Variants in LRRC8C observed in about 807,000 individuals in gnomAD.
LRRC8C encodes the protein volume-regulated anion channel subunit LRRC8C.
A neutral mutation model predicts 55.3 loss-of-function variants in LRRC8C; 20 were observed. The observed-to-expected ratio is 0.36, with a 90% CI of 0.25 to 0.53. The LOEUF is 0.53. Among genes scored for constraint, LRRC8C ranks in the 20% least tolerant of loss-of-function variants. The probability of loss-of-function intolerance (pLI) is 0.92; values close to 1 mark genes in which losing one functional copy is unlikely to be tolerated. For missense variants in LRRC8C, 659 were observed against 951.4 expected, an observed-to-expected ratio of 0.69 and a Z score of 4.04; for synonymous variants, 376 against 360.7, an observed-to-expected ratio of 1.04 and a Z score of -0.48.
intron 1 of LRRC8C, among the ~76,000 whole-genome samples, chr1:89,667,667 G>A (rs1400574472): frequency 6.6e-6 from 1 of 152,124 alleles, no homozygotes; most frequent in African/African-American, 2.4e-5. Context: ...TTGGAACTCA[G>A]GTTGCTGGGA....
In LRRC8C at chr1:89,713,567, A is replaced by G. The variant is rs182100806; in HGVS notation, c.997A>G (p.Thr333Ala). Reference protein sequence around the residue: ...YLCFVSIYGLTCLYTLYWLFY... With the variant: ...YLCFVSIYGLACLYTLYWLFY... ...GTGCTTTGTTAGTATCTATGGATTG[A>G]CGTGCCTTTATACCTTATACTGGCT... Residue 333 changes from threonine to alanine, a missense_variant, in exon 3 of 3, where the codon ACG becomes GCG. By Grantham distance (58) the Thr-to-Ala change is moderately conservative. Around this residue, in one of 5 missense-constraint regions of LRRC8C, gnomAD observed 200 missense variants for 360.5 expected, o/e 0.55. Transcript: ENST00000370454. This position sits in a 1 kb window ranked among gnomAD's most constrained non-coding sequence, Gnocchi z 5.2. 3 of 1,614,142 alleles carry G rather than the reference A, an allele frequency of 1.9e-6. No homozygotes were observed. The Admixed American group carries it at 5.0e-5, about 27-fold the overall frequency.
intron 1 of LRRC8C, among the ~76,000 whole-genome samples, chr1:89,685,340 C>T (rs547559014): frequency 6.7e-6 from 1 of 148,612 alleles, no homozygotes; most frequent in Non-Finnish European, 1.5e-5. Context: ...TGGTCTTGAT[C>T]TCCTGACCTC....
At chr1:89,655,386 ATTTG>A (rs1656913742) in intron 1 of LRRC8C, among the ~76,000 whole-genome samples, 1 of 151,858 alleles carries the variant, frequency 6.6e-6, no homozygotes, top group African/African-American at 2.4e-5. Flanking sequence ...GTGTGTCTTT[ATTTG>A]TTCCTTTGAT....
intron 1 of LRRC8C, among the ~76,000 whole-genome samples, chr1:89,645,437 AAG>A (rs1461629435): frequency 2.0e-5 from 3 of 152,132 alleles, no homozygotes; most frequent in Non-Finnish European, 2.9e-5. Context: ...TGGAGGAAAA[AAG>A]AGAGAAAAAA....
At chr1:89,654,066 A>G (rs1656869875) in intron 1 of LRRC8C, among the ~76,000 whole-genome samples, 1 of 152,192 alleles carries the variant, frequency 6.6e-6, no homozygotes, top group African/African-American at 2.4e-5. Context: ...TACACAATGG[A>G]ATATTATTCA....
At chr1:89,653,320 AT>A (rs950849607) in intron 1 of LRRC8C, among the ~76,000 whole-genome samples, 1 of 152,190 alleles carries the variant, frequency 6.6e-6, no homozygotes, top group Non-Finnish European at 1.5e-5. Flanking sequence ...TTGAAATTAT[AT>A]TTTCCAAAAC....
chr1:89,669,554 A>G (rs1482270184), intron 1 of LRRC8C, among the ~76,000 whole-genome samples: 2 of 152,176 alleles, frequency 1.3e-5, no homozygotes, highest in Admixed American at 1.3e-4. Flanking sequence ...ATTCCTGCCC[A>G]GTACCATGAT....
Position 89,714,998 on chromosome 1 carries a change from A to G in LRRC8C, c.*16A>G, listed in dbSNP as rs757138317. ...AACAGAATAACTTATTTTTCGTTAA[A>G]GTTTGACTGAAACACGCTTCTACCA... is the stretch of plus-strand genomic sequence containing the variant. On this transcript the variant is annotated 3_prime_UTR_variant, in exon 3 of 3. Coordinates refer to ENST00000370454, the MANE Select transcript of LRRC8C (RefSeq NM_032270.5). This position sits in a 1 kb window ranked among gnomAD's most constrained non-coding sequence, Gnocchi z 4.6. The G allele has an allele frequency of 3.3e-6, 5 of 1,534,328 alleles. No homozygotes were observed. Among genetic ancestry groups the G allele is most frequent in the Non-Finnish European group, 3.5e-6 (4 of 1,136,326 alleles).
At chr1:89,712,666 T>C (rs1337216963) in intron 2 of LRRC8C, 43 bp from the exon 3 acceptor site, 2 of 1,426,544 alleles carry the variant, frequency 1.4e-6, no homozygotes, top group Non-Finnish European at 9.8e-7. Flanking sequence ...TTATGAAAGC[T>C]CTTTGAGTAA....
chr1:89,643,241 G>A (rs1194574698), intron 1 of LRRC8C, among the ~76,000 whole-genome samples: 1 of 152,100 alleles, frequency 6.6e-6, no homozygotes, highest in Non-Finnish European at 1.5e-5. Context: ...ACAGGCACAC[G>A]CCACCACACC....
intron 2 of LRRC8C, among the ~76,000 whole-genome samples, chr1:89,699,098 A>C (rs1390183597): frequency 1.3e-5 from 2 of 152,238 alleles, no homozygotes; most frequent in African/African-American, 4.8e-5. Flanking sequence ...GAGGAACATT[A>C]AATGTACATT....
At chr1:89,616,450 C>T in the LRRC8C span, among the ~76,000 whole-genome samples, 710 of 152,316 alleles carry the variant, frequency 4.7e-3, no homozygotes, top group African/African-American at 0.016. Context: ...GTGATTATTA[C>T]TTGTTCCTGC....
At chr1:89,682,670 C>T (rs1431325204) in intron 1 of LRRC8C, among the ~76,000 whole-genome samples, 1 of 152,198 alleles carries the variant, frequency 6.6e-6, no homozygotes, top group Non-Finnish European at 1.5e-5. Context: ...TTGTGTTCTT[C>T]ACTGGTACAC....
intron 2 of LRRC8C, among the ~76,000 whole-genome samples, chr1:89,693,867 G>A (rs1219686336): frequency 6.6e-6 from 1 of 151,576 alleles, no homozygotes; most frequent in African/African-American, 2.4e-5. Context: ...ATTTTGGCCA[G>A]GTTGGTCTTG....
At chr1:89,628,416 G>T (rs1656027208), upstream of LRRC8C, among the ~76,000 whole-genome samples, 2 of 152,088 alleles carry the variant, frequency 1.3e-5, no homozygotes, top group South Asian at 4.2e-4. Context: ...TTGATTTAGG[G>T]TCTCACTCTG....
At chr1:89,659,792 T>C (rs1043070642) in intron 1 of LRRC8C, among the ~76,000 whole-genome samples, 1 of 152,184 alleles carries the variant, frequency 6.6e-6, no homozygotes, top group Non-Finnish European at 1.5e-5. Context: ...GCTGTACATG[T>C]GGACTAGCTC....
At chr1:89,619,877 C>T in the LRRC8C span, among the ~76,000 whole-genome samples, 6 of 152,246 alleles carry the variant, frequency 3.9e-5, no homozygotes, top group Admixed American at 2.0e-4. Context: ...ATAATTACCC[C>T]CATTTATTTC....
At position 89,642,728 on chromosome 1, in the gene LRRC8C, A is replaced by G. The variant is rs1031601477; in HGVS notation, c.-5+9406A>G. 6.6e-5 allele frequency among the ~76,000 whole-genome samples: 10 copies of G among 152,288 alleles called. No homozygotes were observed. In the East Asian group the frequency reaches 1.9e-3, roughly 29 times the overall value. The stretch of plus-strand genomic sequence containing the variant: ...CCAGGCATAGTGGCACGCACCTGTA[A>G]TCCCGGCTACGCGGGAGGCTGAGGC... On this transcript the variant is annotated intron_variant, in intron 1 of 2. Coordinates refer to ENST00000370454, the MANE Select transcript of LRRC8C (RefSeq NM_032270.5).
At chr1:89,646,478 A>G (rs998760605) in intron 1 of LRRC8C, among the ~76,000 whole-genome samples, 1 of 152,190 alleles carries the variant, frequency 6.6e-6, no homozygotes, top group Non-Finnish European at 1.5e-5. Context: ...TTGGTTTAAC[A>G]TTCAAAAATC....
Sources: allele counts gnomAD v4.1 joint callset (sites outside exome capture counted in the v4.1 genomes callset), GRCh38; gene constraint gnomAD v4.1.1; regional missense constraint gnomAD v4.1.1; non-coding constraint Gnocchi (gnomAD v3.1); transcripts MANE v1.5; gene names NCBI Gene and HGNC (gene_info 2026-07-23, HGNC 2026-07-21).